MDGA2: variants seen among roughly 807,000 people sequenced by gnomAD.
MDGA2 encodes MAM domain-containing glycosylphosphatidylinositol anchor protein 2.
A neutral mutation model predicts 117.8 loss-of-function variants in MDGA2; 40 were observed. That is an observed-to-expected ratio of 0.34 (90% CI 0.26 to 0.44). The LOEUF is 0.44. Ranked by LOEUF, MDGA2 falls within the 20% of genes least tolerant of loss-of-function variation. The pLI is 1.00. For missense variants in MDGA2, 1,123 were observed against 1,250.6 expected (o/e 0.90, Z 1.54); for synonymous variants, 452 against 439.0 (o/e 1.03, Z -0.37).
At chr14:46,886,271 A>T (rs147794860) in intron 10 of MDGA2, among the ~76,000 whole-genome samples, 4 of 152,262 alleles carry the variant, frequency 2.6e-5, no homozygotes, top group Admixed American at 2.6e-4. Context: ...ATCGTTTAAG[A>T]GGTGATAATG....
intron 6 of MDGA2, among the ~76,000 whole-genome samples, chr14:47,069,403 T>C (rs1890198094): frequency 6.6e-6 from 1 of 152,230 alleles, no homozygotes; most frequent in Non-Finnish European, 1.5e-5. Flanking sequence ...ACTGTTCTCA[T>C]TCACATCACA....
intron 1 of MDGA2, among the ~76,000 whole-genome samples, chr14:47,410,700 A>G (rs1029043706): frequency 3.9e-5 from 6 of 152,154 alleles, no homozygotes; most frequent in Non-Finnish European, 8.8e-5. Flanking sequence ...ATAACTGCAA[A>G]ATGTCCACAT....
At chr14:47,558,143 G>GA (rs1024052530) in intron 1 of MDGA2, among the ~76,000 whole-genome samples, 137 of 152,126 alleles carry the variant, frequency 9.0e-4, no homozygotes, top group Non-Finnish European at 6.3e-4. Context: ...AGAGCACCTA[G>GA]AAAAAAAGAC....
intron 2 of MDGA2, among the ~76,000 whole-genome samples, chr14:47,297,683 C>T (rs1035124851): frequency 2.6e-5 from 4 of 152,090 alleles, no homozygotes; most frequent in Admixed American, 6.5e-5. Flanking sequence ...CCTCATTAAA[C>T]GAGGTAGTCT....
chr14:47,171,868 G>A (rs1884154749), intron 3 of MDGA2, among the ~76,000 whole-genome samples: 2 of 152,206 alleles, frequency 1.3e-5, no homozygotes, highest in African/African-American at 4.8e-5. Context: ...GAAGCACAAG[G>A]GGTCAGGGAG....
intron 10 of MDGA2, among the ~76,000 whole-genome samples, chr14:46,908,058 A>G (rs566770588): frequency 6.6e-6 from 1 of 152,200 alleles, no homozygotes; most frequent in Admixed American, 6.5e-5. Flanking sequence ...ACCCTCACAC[A>G]TATCATCACA....
chr14:47,647,196 T>C (rs968251793), intron 1 of MDGA2, among the ~76,000 whole-genome samples: 4 of 152,198 alleles, frequency 2.6e-5, no homozygotes, highest in Non-Finnish European at 5.9e-5. Flanking sequence ...ATTTTAATTA[T>C]TCAAGCATAT....
chr14:47,257,248 T>C (rs1471099593), intron 2 of MDGA2, among the ~76,000 whole-genome samples: 1 of 152,140 alleles, frequency 6.6e-6, no homozygotes, highest in Non-Finnish European at 1.5e-5. Flanking sequence ...TACACTCTCA[T>C]AGCCCACACC....
chr14:47,024,821 A>C (rs1289654286), intron 8 of MDGA2, among the ~76,000 whole-genome samples: 1 of 152,150 alleles, frequency 6.6e-6, no homozygotes, highest in African/African-American at 2.4e-5. Flanking sequence ...TTAAGTCCTG[A>C]GGTGTCCTTT....
intron 5 of MDGA2, among the ~76,000 whole-genome samples, chr14:47,127,759 C>G (rs1289536685): frequency 6.6e-6 from 1 of 151,932 alleles, no homozygotes; most frequent in African/African-American, 2.4e-5. Context: ...CTCCTGTGAC[C>G]TCCATAGAAC....
At chr14:47,135,921 G>C (rs1163863045) in intron 4 of MDGA2, among the ~76,000 whole-genome samples, 2 of 151,920 alleles carry the variant, frequency 1.3e-5, no homozygotes, top group Non-Finnish European at 2.9e-5. Flanking sequence ...GCGCAACAAA[G>C]AGCATAAAAT....
chr14:47,053,644 T>C (rs1054389487), intron 7 of MDGA2, among the ~76,000 whole-genome samples: 120 of 39,108 alleles, frequency 3.1e-3, no homozygotes, highest in African/African-American at 6.1e-3. Flanking sequence ...TATATATATA[T>C]ATATATATAT....
chr14:47,377,112 G>A (rs1029225064), intron 1 of MDGA2, among the ~76,000 whole-genome samples: 2 of 152,092 alleles, frequency 1.3e-5, no homozygotes, highest in Non-Finnish European at 2.9e-5. Context: ...TGGGTACTTA[G>A]AATGAGATGA....
At chr14:47,147,322 G>A (rs552628736) in intron 3 of MDGA2, among the ~76,000 whole-genome samples, 48 of 152,142 alleles carry the variant, frequency 3.2e-4, no homozygotes, top group Non-Finnish European at 5.9e-4. Context: ...AGATGTGTGC[G>A]CAGAAATGGT....
intron 5 of MDGA2, among the ~76,000 whole-genome samples, chr14:47,097,525 GTTAA>G (rs1218435484): frequency 2.0e-5 from 3 of 152,036 alleles, no homozygotes; most frequent in Non-Finnish European, 4.4e-5. Context: ...GGTGAAGATG[GTTAA>G]TTATTTATTT....
intron 2 of MDGA2, among the ~76,000 whole-genome samples, chr14:47,297,232 A>G (rs1889103908): frequency 6.6e-6 from 1 of 152,124 alleles, no homozygotes; most frequent in Admixed American, 6.6e-5. Flanking sequence ...CGAGAACTGA[A>G]AGGTGATATG....
chr14:46,981,107 CT>C (rs1202654367), intron 8 of MDGA2, among the ~76,000 whole-genome samples: 1 of 151,426 alleles, frequency 6.6e-6, no homozygotes, highest in Non-Finnish European at 1.5e-5. Flanking sequence ...TTTCAAGAGA[CT>C]TTTTAAGAGT....
intron 12 of MDGA2, among the ~76,000 whole-genome samples, chr14:46,875,877 T>C (rs1233148225): frequency 6.6e-6 from 1 of 151,668 alleles, no homozygotes; most frequent in Non-Finnish European, 1.5e-5. Flanking sequence ...TTATATGTTA[T>C]TTAAAATTAT....
In MDGA2 at chr14:47,246,742, A is replaced by G. The variant is rs116883224; in HGVS notation, c.421-28547T>C. On this transcript the variant is annotated intron_variant, in intron 2 of 16. Transcript: ENST00000399232. ...AAGCTGTATTAAGGTTTCCAAAGGAAATAAGAAGAAAGGTTAACAGGAAAG... is the reference window on the plus strand; with the variant it reads ...AAGCTGTATTAAGGTTTCCAAAGGAGATAAGAAGAAAGGTTAACAGGAAAG... Among the ~76,000 whole-genome samples the G allele has an allele frequency of 1.1e-3, 169 of 151,580 alleles. 2 individuals carry two copies. Among genetic ancestry groups the G allele is most frequent in the Non-Finnish European group, 2.1e-3 (145 of 67,688 alleles).
Sources: allele counts gnomAD v4.1 joint callset (sites outside exome capture counted in the v4.1 genomes callset), GRCh38; gene constraint gnomAD v4.1.1; transcripts MANE v1.5; gene names NCBI Gene and HGNC (gene_info 2026-07-23, HGNC 2026-07-21).